PLCE1: variants seen among roughly 807,000 people sequenced by gnomAD.
PLCE1 encodes 1-phosphatidylinositol 4,5-bisphosphate phosphodiesterase epsilon-1.
PLCE1 carries 119 observed loss-of-function variants against 242.8 expected under a neutral mutation model. The observed-to-expected ratio is 0.49, with a 90% CI of 0.42 to 0.57. PLCE1 has a LOEUF of 0.57. Ranked by LOEUF, PLCE1 falls within the 20% of genes least tolerant of loss-of-function variation. The pLI is 0.00. For missense variants in PLCE1, 2,441 were observed against 2,788.8 expected (o/e 0.88, Z 2.81); for synonymous variants, 945 against 1,017.4 (o/e 0.93, Z 1.35).
intron 1 of PLCE1, among the ~76,000 whole-genome samples, chr10:94,025,526 T>G (rs925910010): frequency 1.3e-5 from 2 of 152,200 alleles, no homozygotes; most frequent in Non-Finnish European, 2.9e-5. Flanking sequence ...ATTTTTACTC[T>G]GTCATTCTAA....
intron 2 of PLCE1, among the ~76,000 whole-genome samples, chr10:94,070,099 A>T (rs2044309304): frequency 6.6e-6 from 1 of 152,234 alleles, no homozygotes; most frequent in South Asian, 2.1e-4. Flanking sequence ...TGTACCCTAC[A>T]GCCACAGGCA....
Position 94,328,213 on chromosome 10 carries a change from G to C in PLCE1, c.*270G>C, listed in dbSNP as rs533005572. On this transcript the variant is annotated 3_prime_UTR_variant, in exon 33 of 33. Coordinates refer to ENST00000371380, the MANE Select transcript of PLCE1 (RefSeq NM_016341.4). The stretch of plus-strand genomic sequence containing the variant: ...GGAAAAATCGTCACGAATTGACTTA[G>C]AGCAAGGGTCAGCAAGCTTGTCTGT... The C allele has an allele frequency of 7.3e-5, 22 of 303,294 alleles. No individual in the cohort carries two copies. The highest frequency in any genetic ancestry group is 4.8e-4 in the African/African-American group (22 of 46,074). The allele number at this position is 303,294 out of a possible 1,614,324, so 18.8% of individuals were successfully genotyped here. A position where few individuals can be genotyped will look rare whatever the true frequency, so the allele number is the denominator to read the frequency against.
intron 4 of PLCE1, among the ~76,000 whole-genome samples, chr10:94,187,240 A>T (rs777117748): frequency 6.6e-6 from 1 of 151,654 alleles, no homozygotes; most frequent in Non-Finnish European, 1.5e-5. Flanking sequence ...AGGAAATATC[A>T]TGAATAAAGA....
At chr10:94,215,083 G>C (rs777138024) in intron 4 of PLCE1, among the ~76,000 whole-genome samples, 2 of 152,162 alleles carry the variant, frequency 1.3e-5, no homozygotes, top group South Asian at 2.1e-4. Flanking sequence ...ACTGCCCATA[G>C]GTCTTCTATG....
At chr10:94,162,147 G>GT (rs2047637707) in intron 3 of PLCE1, among the ~76,000 whole-genome samples, 1 of 152,158 alleles carries the variant, frequency 6.6e-6, no homozygotes. Flanking sequence ...CCAGGCTTTG[G>GT]TATCAGGATG....
chr10:94,296,365 C>CA (rs35526010), intron 23 of PLCE1, among the ~76,000 whole-genome samples: 17,592 of 89,004 alleles, frequency 0.2, 1,395 homozygotes, highest in Middle Eastern at 0.33. Flanking sequence ...GACTCCATCT[C>CA]AAAAAAAAAA....
At chr10:94,147,432 A>AAGAGAGAGAAAGAG (rs1564732219) in intron 3 of PLCE1, among the ~76,000 whole-genome samples, 1 of 147,718 alleles carries the variant, frequency 6.8e-6, no homozygotes, top group Non-Finnish European at 1.5e-5. Flanking sequence ...GAAAGAAAGA[A>AAGAGAGAGAAAGAG]AGAGAGAGAA....
At position 94,031,723 on chromosome 10, in the gene PLCE1, A is replaced by G; in HGVS notation, c.677A>G (p.Gln226Arg). Residue 226 changes from glutamine to arginine, a missense_variant, in exon 2 of 33, where the codon CAA becomes CGA. Around this residue, in one of 5 missense-constraint regions of PLCE1, gnomAD observed 393 missense variants for 378.5 expected, o/e 1.04. Coordinates refer to ENST00000371380, the MANE Select transcript of PLCE1 (RefSeq NM_016341.4). ...CVPLPGGEEK[Q>R]KKNYVAYTCK... ...CCACTACCTGGGGGTGAGGAGAAGCAAAAGAAAAACTATGTGGCATATACC... is the reference window on the plus strand; with the variant it reads ...CCACTACCTGGGGGTGAGGAGAAGCGAAAGAAAAACTATGTGGCATATACC... The G allele has an allele frequency of 6.2e-7, 1 of 1,613,836 alleles. No homozygotes were observed. Among genetic ancestry groups the G allele is most frequent in the Non-Finnish European group, 8.5e-7 (1 of 1,179,874 alleles).
At position 94,235,833 on chromosome 10, in the gene PLCE1, C is replaced by T. The variant is rs1408336965; in HGVS notation, c.2215-82C>T. On this transcript the variant is annotated intron_variant, in intron 6 of 32. Coordinates refer to ENST00000371380, the MANE Select transcript of PLCE1 (RefSeq NM_016341.4). ...TAGGCACAAATGCCATTATTTATTA[C>T]TTTATGATTTCATTTCCCTAGCCAA... 4 of 1,482,478 alleles carry T rather than the reference C, an allele frequency of 2.7e-6. No homozygotes were observed. In the African/African-American group the frequency reaches 5.6e-5, roughly 21 times the overall value. The allele number at this position is 1,482,478 out of a possible 1,614,324, so 91.8% of individuals were successfully genotyped here. A position where few individuals can be genotyped will look rare whatever the true frequency, so the allele number is the denominator to read the frequency against.
chr10:94,184,227 G>A (rs1483145066), intron 4 of PLCE1, among the ~76,000 whole-genome samples: 1 of 152,170 alleles, frequency 6.6e-6, no homozygotes, highest in Non-Finnish European at 1.5e-5. Context: ...TAACTCCCCT[G>A]CTAAGTGTCC....
chr10:94,229,995 A>T (rs984908375), intron 5 of PLCE1, among the ~76,000 whole-genome samples: 2 of 152,196 alleles, frequency 1.3e-5, no homozygotes, highest in African/African-American at 4.8e-5. Context: ...TTTAGGTTTG[A>T]AAGTGTTTAG....
At chr10:94,030,075 T>C (rs2061527645) in intron 1 of PLCE1, among the ~76,000 whole-genome samples, 1 of 152,218 alleles carries the variant, frequency 6.6e-6, no homozygotes, top group African/African-American at 2.4e-5. Flanking sequence ...GAAGACATTT[T>C]TGCTGGGTAT....
Position 94,226,594 on chromosome 10 carries a change from T to C in PLCE1, c.1810-712T>C, listed in dbSNP as rs576053546. Among the ~76,000 whole-genome samples, 8 of 152,286 alleles carry C rather than the reference T, an allele frequency of 5.3e-5. No individual in the cohort carries two copies. In the South Asian group the frequency reaches 1.7e-3, roughly 32 times the overall value. On this transcript the variant is annotated intron_variant, in intron 4 of 32. Transcript: ENST00000371380. ...AAGATTGTTTAAAAATGTTTTTATT[T>C]TTCCTTTGATATTATGTATTTTAAT...
chr10:94,285,506 G>A (rs1457832289), intron 22 of PLCE1, among the ~76,000 whole-genome samples: 1 of 152,150 alleles, frequency 6.6e-6, no homozygotes, highest in Non-Finnish European at 1.5e-5. Context: ...GCTTAACCAA[G>A]GTACATGCTT....
intron 25 of PLCE1, among the ~76,000 whole-genome samples, chr10:94,305,145 C>T (rs565636328): frequency 1.3e-5 from 2 of 152,096 alleles, no homozygotes; most frequent in African/African-American, 4.8e-5. Context: ...AAAAACAGAC[C>T]TGGCCAGGTG....
chr10:94,325,336 T>A, intron 32 of PLCE1: 1 of 430,658 alleles, frequency 2.3e-6, no homozygotes, highest in South Asian at 2.1e-5. Context: ...TGGTGGCGCA[T>A]GCCTGTAATC....
intron 2 of PLCE1, among the ~76,000 whole-genome samples, chr10:94,130,886 C>T (rs1344837098): frequency 6.6e-6 from 1 of 152,272 alleles, no homozygotes; most frequent in East Asian, 1.9e-4. Flanking sequence ...ACATGCCTGG[C>T]CCGCAGGGCA....
At chr10:94,104,899 TG>T (rs1484246561) in intron 2 of PLCE1, 1 of 152,232 alleles carries the variant, frequency 6.6e-6, no homozygotes, top group Non-Finnish European at 1.5e-5. Flanking sequence ...TTTCAAACCT[TG>T]ACACATACAT....
At chr10:94,096,380 G>A (rs1025098386) in intron 2 of PLCE1, 3 of 152,166 alleles carry the variant, frequency 2.0e-5, no homozygotes, top group African/African-American at 2.4e-5. Flanking sequence ...ATTGACTCAC[G>A]GTTCTGAAGG....
Sources: allele counts gnomAD v4.1 joint callset (sites outside exome capture counted in the v4.1 genomes callset), GRCh38; gene constraint gnomAD v4.1.1; regional missense constraint gnomAD v4.1.1; transcripts MANE v1.5; gene names NCBI Gene and HGNC (gene_info 2026-07-23, HGNC 2026-07-21).